ARHGEF37: variants seen among roughly 807,000 people sequenced by gnomAD.
ARHGEF37 encodes Rho guanine nucleotide exchange factor (GEF) 37.
ARHGEF37 carries 55 observed loss-of-function variants against 71.1 expected under a neutral mutation model. The ratio of observed to expected loss-of-function variants is 0.77; its 90% CI spans 0.62 to 0.97. The LOEUF is 0.97. Ranked by LOEUF, ARHGEF37 falls within the 50% of genes least tolerant of loss-of-function variation. ARHGEF37 has a pLI of 0.00. For missense variants in ARHGEF37, 765 were observed against 836.8 expected (o/e 0.91, Z 1.06); for synonymous variants, 327 against 350.6 (o/e 0.93, Z 0.75).
intron 1 of ARHGEF37, among the ~76,000 whole-genome samples, chr5:149,565,828 A>ACTTTTTT (rs770029750): frequency 1.4e-5 from 1 of 69,878 alleles, no homozygotes; most frequent in African/African-American, 4.7e-5. Flanking sequence ...CAGAAACTCT[A>ACTTTTTT]ATTTTTTTTT....
intron 2 of ARHGEF37, among the ~76,000 whole-genome samples, chr5:149,599,178 G>T (rs1763679158): frequency 6.6e-6 from 1 of 152,206 alleles, no homozygotes; most frequent in South Asian, 2.1e-4. Context: ...GGCCTCTAGG[G>T]GACTGACTCC....
chr5:149,552,746 G>T (rs954106124), intron 1 of ARHGEF37, among the ~76,000 whole-genome samples: 1 of 152,104 alleles, frequency 6.6e-6, no homozygotes, highest in Non-Finnish European at 1.5e-5. Flanking sequence ...TCTGAGAATC[G>T]CTTGAACCCG....
chr5:149,633,620 T>C lies in ARHGEF37; in HGVS notation c.*1429T>C, dbSNP rs1002365705. On this transcript the variant is annotated 3_prime_UTR_variant, in exon 13 of 13. Coordinates refer to ENST00000333677, the MANE Select transcript of ARHGEF37 (RefSeq NM_001001669.3). ...TGCAAGATTCACAGAAATGGGAAAATGTGACCAAGTGTGATCTTAACAACT... is the reference window on the plus strand; with the variant it reads ...TGCAAGATTCACAGAAATGGGAAAACGTGACCAAGTGTGATCTTAACAACT... 1 of 152,218 alleles carries C rather than the reference T, an allele frequency of 6.6e-6. No individual in the cohort carries two copies. The highest frequency in any genetic ancestry group is 1.5e-5 in the Non-Finnish European group (1 of 68,038). 9.4% of individuals were successfully genotyped at this position (152,218 alleles called of 1,614,324 possible).
At chr5:149,593,350 C>A (rs1763463048) in intron 1 of ARHGEF37, among the ~76,000 whole-genome samples, 1 of 152,214 alleles carries the variant, frequency 6.6e-6, no homozygotes, top group Non-Finnish European at 1.5e-5. Context: ...AGGCAATTGC[C>A]AATCTTTCTG....
chr5:149,572,700 A>G lies in ARHGEF37; in HGVS notation c.-12+20577A>G, dbSNP rs1048651014. Among the ~76,000 whole-genome samples, 7 of 152,216 alleles carry G rather than the reference A, an allele frequency of 4.6e-5. No homozygotes were observed. The East Asian group carries it at 9.6e-4, about 21-fold the overall frequency. ...CTTTGAGTAAAGCAGATTACCCTCC[A>G]TAATGTGGGTAGGCCTTATCCAATC... On this transcript the variant is annotated intron_variant, in intron 1 of 2. Coordinates refer to the ARHGEF37 transcript ENST00000505810.
At chr5:149,562,954 C>G (rs1762851914) in intron 1 of ARHGEF37, among the ~76,000 whole-genome samples, 1 of 152,154 alleles carries the variant, frequency 6.6e-6, no homozygotes. Flanking sequence ...TTACATAGTT[C>G]ATCTGCAGCT....
intron 1 of ARHGEF37, among the ~76,000 whole-genome samples, chr5:149,561,499 C>A (rs779643163): frequency 6.6e-6 from 1 of 152,104 alleles, no homozygotes; most frequent in Non-Finnish European, 1.5e-5. Context: ...GGCTTTAACT[C>A]GTTTGTCTGC....
At chr5:149,608,950 C>T (rs543979314) in intron 3 of ARHGEF37, among the ~76,000 whole-genome samples, 92 of 152,052 alleles carry the variant, frequency 6.1e-4, no homozygotes, top group Non-Finnish European at 9.7e-4. Context: ...TTTGGGAGGC[C>T]GAGGTGGGTG....
chr5:149,612,389 C>A (rs910454537), intron 4 of ARHGEF37, among the ~76,000 whole-genome samples: 28 of 152,112 alleles, frequency 1.8e-4, no homozygotes, highest in Non-Finnish European at 3.5e-4. Flanking sequence ...GGATGGTCTC[C>A]ATCTCCTGAC....
At chr5:149,620,792 C>T (rs1383493668) in intron 8 of ARHGEF37, among the ~76,000 whole-genome samples, 1 of 151,772 alleles carries the variant, frequency 6.6e-6, no homozygotes, top group Non-Finnish European at 1.5e-5. Context: ...GATCATGCCA[C>T]CGCACTCCAG....
intron 1 of ARHGEF37, among the ~76,000 whole-genome samples, chr5:149,571,793 G>A (rs1040098107): frequency 6.6e-6 from 1 of 150,816 alleles, no homozygotes; most frequent in African/African-American, 2.4e-5. Flanking sequence ...GGTGGTGCAT[G>A]CTACTTAGGA....
At chr5:149,568,524 C>A (rs989111410) in intron 1 of ARHGEF37, among the ~76,000 whole-genome samples, 1 of 152,040 alleles carries the variant, frequency 6.6e-6, no homozygotes, top group Non-Finnish European at 1.5e-5. Context: ...GTATCCCACA[C>A]CCCTATCAAG....
chr5:149,585,125 C>G (rs1328956297), intron 1 of ARHGEF37, among the ~76,000 whole-genome samples: 1 of 152,098 alleles, frequency 6.6e-6, no homozygotes, highest in Non-Finnish European at 1.5e-5. Flanking sequence ...ATTAGGATGG[C>G]TAAAATGAAA....
At chr5:149,579,802 G>A (rs1048583595), upstream of ARHGEF37, among the ~76,000 whole-genome samples, 7 of 151,804 alleles carry the variant, frequency 4.6e-5, no homozygotes, top group South Asian at 2.1e-4. Context: ...GGCTGGCCTC[G>A]AACTCCTGAC....
rs1752609977 is a variant in ARHGEF37, at chr5:149,624,005, C to T, written c.1336-7C>T. On this transcript the variant is annotated splice_polypyrimidine_tract_variant and splice_region_variant and intron_variant, in intron 9 of 12. Coordinates refer to ENST00000333677, the MANE Select transcript of ARHGEF37 (RefSeq NM_001001669.3). ...CAGCTCTGTTGACAGTGTCTGTCCC[C>T]ACTTAGCTGCCCCACCACCACGTCC... 6.3e-7 allele frequency: 1 copy of T among 1,592,382 alleles called. No individual in the cohort carries two copies. Among genetic ancestry groups the T allele is most frequent in the Non-Finnish European group, 8.6e-7 (1 of 1,163,250 alleles).
chr5:149,569,707 C>T (rs1197561433), intron 1 of ARHGEF37, among the ~76,000 whole-genome samples: 3 of 152,074 alleles, frequency 2.0e-5, no homozygotes, highest in African/African-American at 7.2e-5. Flanking sequence ...ACCTCCGCCT[C>T]CCAGGTTCAA....
In ARHGEF37 at chr5:149,621,862, C is replaced by G. The variant is rs1224721634; in HGVS notation, c.1135C>G (p.Leu379Val). 6.2e-7 allele frequency: 1 copy of G among 1,614,248 alleles called. No individual in the cohort carries two copies. Among genetic ancestry groups the G allele is most frequent in the South Asian group, 1.1e-5 (1 of 91,090 alleles). The change falls in exon 9 of 13, where the codon CTG becomes GTG. Residue 379 changes from leucine to valine, a missense_variant. By Grantham distance (32) the Leu-to-Val change is conservative. Transcript: ENST00000333677. ...CTTTGAGCGGGTGGAAGAGAAGCTG[C>G]TGGAGGTGGGCAGTGTGACCTACCA... ...LDFERVEEKLLEVGSVTYQEE... is the reference protein window; with the variant it reads ...LDFERVEEKLVEVGSVTYQEE...
chr5:149,615,393 T>C (rs1752347556), intron 4 of ARHGEF37, among the ~76,000 whole-genome samples: 1 of 151,964 alleles, frequency 6.6e-6, no homozygotes, highest in Non-Finnish European at 1.5e-5. Flanking sequence ...TTTTTTAACT[T>C]TTTTTCATAA....
At chr5:149,562,898 T>C (rs951287642) in intron 1 of ARHGEF37, among the ~76,000 whole-genome samples, 1 of 152,344 alleles carries the variant, frequency 6.6e-6, no homozygotes, top group Admixed American at 6.5e-5. Context: ...ATTACCTAAG[T>C]AGGCTTACAT....
Sources: gnomAD v4.1 joint callset for allele counts (sites outside exome capture counted in the v4.1 genomes callset) on GRCh38, gnomAD v4.1.1 for gene constraint, MANE v1.5 for transcripts, NCBI Gene and HGNC (gene_info 2026-07-23, HGNC 2026-07-21) for gene names.